Variants in COBL observed in about 807,000 individuals in gnomAD.
COBL encodes cordon-bleu WH2 repeat protein, also known as protein cordon-bleu.
Under a neutral mutation model 98.8 loss-of-function variants are expected in COBL, and 51 were observed. The observed-to-expected ratio is 0.52, with a 90% confidence interval of 0.41 to 0.65. COBL has a LOEUF of 0.65. Among genes scored for constraint, COBL ranks in the 30% least tolerant of loss-of-function variants. The probability of loss-of-function intolerance (pLI) is 0.00; values close to 1 mark genes in which losing one functional copy is unlikely to be tolerated. For missense variants in COBL, 1,617 were observed against 1,617.5 expected, an observed-to-expected ratio of 1.00 and a Z score of 0.01; for synonymous variants, 634 against 651.7, an observed-to-expected ratio of 0.97 and a Z score of 0.41.
At chr7:51,298,936 TC>T (rs1454205571) in intron 1 of COBL, among the ~76,000 whole-genome samples, 1 of 152,190 alleles carries the variant, frequency 6.6e-6, no homozygotes, top group Non-Finnish European at 1.5e-5. Context: ...CTCTTCCTCC[TC>T]TACCCCAAGA....
Position 51,043,700 on chromosome 7 carries a change from A to C in COBL, c.1097-8T>G. 6.2e-7 allele frequency: 1 copy of C among 1,609,700 alleles called. No individual in the cohort carries two copies. The highest frequency in any genetic ancestry group is 8.5e-7 in the Non-Finnish European group (1 of 1,178,484). ...ACCCCAGGGGCAGGCTTACTGGACA[A>C]GACACGGCAAGGACAGGTCAGCCCA... On this transcript the variant is annotated splice_polypyrimidine_tract_variant and splice_region_variant and intron_variant, in intron 7 of 12. Coordinates refer to ENST00000265136, the MANE Select transcript of COBL (RefSeq NM_015198.5).
intron 7 of COBL, among the ~76,000 whole-genome samples, chr7:51,051,945 G>C (rs1790281250): frequency 6.6e-6 from 1 of 152,172 alleles, no homozygotes. Context: ...TAGTTAAACA[G>C]GATTCCTTCT....
chr7:51,230,464 C>T (rs1281186772), intron 1 of COBL, among the ~76,000 whole-genome samples: 1 of 152,184 alleles, frequency 6.6e-6, no homozygotes, highest in Admixed American at 6.5e-5. Flanking sequence ...TCCTGCTCCA[C>T]TGTTGCTCCT....
intron 7 of COBL, among the ~76,000 whole-genome samples, chr7:51,076,194 CTG>C (rs1468573142): frequency 6.6e-6 from 1 of 152,228 alleles, no homozygotes; most frequent in Non-Finnish European, 1.5e-5. Context: ...ACTCACAGAA[CTG>C]TGTTTGTGTC....
intron 2 of COBL, among the ~76,000 whole-genome samples, chr7:51,202,388 T>C (rs905922109): frequency 6.6e-6 from 1 of 152,250 alleles, no homozygotes; most frequent in Admixed American, 6.5e-5. Context: ...ACAATTGTTA[T>C]ATTTTATTTT....
intron 7 of COBL, among the ~76,000 whole-genome samples, chr7:51,053,507 AGT>A (rs1562848546): frequency 1.3e-5 from 2 of 152,256 alleles, no homozygotes; most frequent in African/African-American, 4.8e-5. Context: ...ATCAACGTTT[AGT>A]GTGCAATAAC....
intron 2 of COBL, among the ~76,000 whole-genome samples, chr7:51,193,974 CA>C (rs1404165548): frequency 2.6e-5 from 4 of 151,920 alleles, no homozygotes; most frequent in African/African-American, 7.2e-5. Flanking sequence ...CTTTTAAGTT[CA>C]GGGGTACATG....
intron 6 of COBL, among the ~76,000 whole-genome samples, chr7:51,118,418 G>A (rs1042120644): frequency 6.6e-6 from 1 of 151,932 alleles, no homozygotes; most frequent in African/African-American, 2.4e-5. Flanking sequence ...CTTCTCTGGC[G>A]GGTTCAAGAC....
At chr7:51,193,983 A>C (rs969346836) in intron 2 of COBL, among the ~76,000 whole-genome samples, 8 of 152,196 alleles carry the variant, frequency 5.3e-5, no homozygotes, top group African/African-American at 1.9e-4. Flanking sequence ...TCAGGGGTAC[A>C]TGTGCAGGTT....
intron 1 of COBL, among the ~76,000 whole-genome samples, chr7:51,283,288 AAAG>A (rs1197210990): frequency 1.3e-5 from 2 of 152,212 alleles, no homozygotes; most frequent in Non-Finnish European, 1.5e-5. Context: ...GAGGAATAAA[AAAG>A]AAGATATCAC....
chr7:51,089,413 G>A (rs979888954), intron 6 of COBL, among the ~76,000 whole-genome samples: 1 of 152,142 alleles, frequency 6.6e-6, no homozygotes, highest in African/African-American at 2.4e-5. Flanking sequence ...TACTCGGGAA[G>A]CTGAGGCGGG....
intron 5 of COBL, among the ~76,000 whole-genome samples, chr7:51,178,169 C>CCT (rs200471846): frequency 4.6e-4 from 69 of 151,356 alleles, no homozygotes; most frequent in African/African-American, 1.1e-3. Context: ...TCTCTCTCTC[C>CCT]CTCTCTCTCT....
chr7:51,019,290 GCA>G (rs1202010482), intron 12 of COBL, among the ~76,000 whole-genome samples: 1 of 151,944 alleles, frequency 6.6e-6, no homozygotes, highest in Non-Finnish European at 1.5e-5. Flanking sequence ...TATCAAGGAG[GCA>G]CCAGGGAGCG....
At chr7:51,154,097 C>A (rs190881322) in intron 5 of COBL, among the ~76,000 whole-genome samples, 4 of 152,268 alleles carry the variant, frequency 2.6e-5, no homozygotes, top group South Asian at 4.1e-4. Flanking sequence ...TGAGAGTCAC[C>A]AACAGCCTCT....
intron 6 of COBL, among the ~76,000 whole-genome samples, chr7:51,107,149 C>T (rs1017545885): frequency 5.1e-5 from 7 of 136,444 alleles, no homozygotes; most frequent in South Asian, 2.3e-4. Flanking sequence ...GGCTGGACTG[C>T]AGTGGTGTGA....
Position 51,017,148 on chromosome 7 carries a change from A to T in COBL, c.*403T>A. On this transcript the variant is annotated 3_prime_UTR_variant, in exon 13 of 13. Transcript: ENST00000265136. ...TCTAAAATTCAAAAGATCTTAAATCAGTAAGTAGTTTCATCCATCTGTATG... is the reference window on the plus strand; with the variant it reads ...TCTAAAATTCAAAAGATCTTAAATCTGTAAGTAGTTTCATCCATCTGTATG... 1 of 437,056 alleles carries T rather than the reference A, an allele frequency of 2.3e-6. No individual in the cohort carries two copies. Among genetic ancestry groups the T allele is most frequent in the Non-Finnish European group, 4.0e-6 (1 of 249,602 alleles). The allele number at this position is 437,056 out of a possible 1,614,324, so 27.1% of individuals were successfully genotyped here. A position where few individuals can be genotyped will look rare whatever the true frequency, so the allele number is the denominator to read the frequency against.
At chr7:51,224,608 G>A (rs1427442409) in intron 1 of COBL, among the ~76,000 whole-genome samples, 4 of 152,074 alleles carry the variant, frequency 2.6e-5, no homozygotes, top group African/African-American at 7.2e-5. Context: ...AGGAGAAGAC[G>A]CTAAAACAGC....
At chr7:51,174,708 A>G (rs920403569) in intron 5 of COBL, among the ~76,000 whole-genome samples, 1 of 152,116 alleles carries the variant, frequency 6.6e-6, no homozygotes, top group Non-Finnish European at 1.5e-5. Flanking sequence ...ATCTCTGTAA[A>G]CCAGTGACAA....
intron 7 of COBL, among the ~76,000 whole-genome samples, chr7:51,084,104 G>T (rs1050885791): frequency 6.6e-6 from 1 of 152,100 alleles, no homozygotes; most frequent in African/African-American, 2.4e-5. Context: ...TGGAATACAG[G>T]TTATTGCTTC....
Sources: allele counts gnomAD v4.1 joint callset (sites outside exome capture counted in the v4.1 genomes callset), GRCh38; gene constraint gnomAD v4.1.1; transcripts MANE v1.5; gene names NCBI Gene and HGNC (gene_info 2026-07-23, HGNC 2026-07-21).